The following ATP2B1 variants were observed in gnomAD, a reference collection of about 807,000 sequenced individuals.
The protein encoded by ATP2B1 is plasma membrane calcium-transporting ATPase 1.
ATP2B1 carries 14 observed loss-of-function variants against 124.2 expected under a neutral mutation model. The observed-to-expected ratio is 0.11, with a 90% CI of 0.07 to 0.18. The LOEUF is 0.18. Ranked by LOEUF, ATP2B1 falls within the 10% of genes least tolerant of loss-of-function variation. The pLI is 1.00. For missense variants in ATP2B1, 763 were observed against 1,466.1 expected (o/e 0.52, Z 7.83); for synonymous variants, 449 against 492.4 (o/e 0.91, Z 1.17).
intron 20 of ATP2B1, 34 bp from the exon 21 acceptor site, chr12:89,591,329 T>C (rs576521274): frequency 1.3e-6 from 2 of 1,554,354 alleles, no homozygotes; most frequent in East Asian, 2.3e-5. Flanking sequence ...AATATGTCAG[T>C]ACACTATTAA....
At chr12:89,678,318 C>T (rs894963250) in intron 1 of ATP2B1, among the ~76,000 whole-genome samples, 2 of 151,990 alleles carry the variant, frequency 1.3e-5, no homozygotes, top group Admixed American at 6.6e-5. Flanking sequence ...ATTTGGCCTC[C>T]GTTTCATGTT....
rs1879711772 is a variant in ATP2B1, at chr12:89,620,039, G to T, written c.1789C>A (p.Arg597=). 1.9e-6 allele frequency: 3 copies of T among 1,613,948 alleles called. No individual in the cohort carries two copies. Among genetic ancestry groups the T allele is most frequent in the Non-Finnish European group, 2.5e-6 (3 of 1,179,954 alleles). ...TVLKNSDGSY[R]IFSKGASEII... ...TCAGATGCACCCTTGCTGAATATTC[G>T]ATAACTTCCATCTGAATTTTTCAGG... is the stretch of plus-strand genomic sequence containing the variant. The change falls in exon 11 of 21, where the codon CGA becomes AGA. Residue 597 remains arginine (R), a synonymous_variant. Coordinates refer to ENST00000428670, the MANE Select transcript of ATP2B1 (RefSeq NM_001366521.1).
At chr12:89,643,294 TATAG>T (rs1481279422) in intron 2 of ATP2B1, among the ~76,000 whole-genome samples, 4 of 151,874 alleles carry the variant, frequency 2.6e-5, no homozygotes, top group Non-Finnish European at 4.4e-5. Flanking sequence ...GTTATATAGA[TATAG>T]ATACAGATTT....
In ATP2B1 at chr12:89,601,492, T is replaced by TAA. The variant is rs1447855220; in HGVS notation, c.3061-61_3061-60dup. 38 of 1,046,986 alleles carry TAA rather than the reference T, an allele frequency of 3.6e-5. No individual in the cohort carries two copies. The Admixed American group carries it at 6.0e-4, about 17-fold the overall frequency. 64.9% of individuals were successfully genotyped at this position (1,046,986 alleles called of 1,614,324 possible). A position where few individuals can be genotyped will look rare whatever the true frequency, so the allele number is the denominator to read the frequency against. On this transcript the variant is annotated intron_variant, in intron 18 of 20. Coordinates refer to ENST00000428670, the MANE Select transcript of ATP2B1 (RefSeq NM_001366521.1). ...TCTTAAATTTTAAAATTCATATACT[T>TAA]AAAAAAATATCAAATTTATGTCCTC...
intron 15 of ATP2B1, among the ~76,000 whole-genome samples, chr12:89,606,938 A>G (rs758097633): frequency 7.2e-5 from 11 of 152,144 alleles, no homozygotes; most frequent in Non-Finnish European, 1.5e-4. Flanking sequence ...TCATACCCAT[A>G]TTATACAAAT....
intron 14 of ATP2B1, 50 bp from the exon 15 acceptor site, chr12:89,610,093 G>C: frequency 6.7e-7 from 1 of 1,486,714 alleles, no homozygotes; most frequent in African/African-American, 1.4e-5. Context: ...TCTTTAATAA[G>C]ATGATTCTGA....
At chr12:89,640,613 T>C (rs1388513115) in intron 3 of ATP2B1, among the ~76,000 whole-genome samples, 5 of 114,446 alleles carry the variant, frequency 4.4e-5, no homozygotes, top group African/African-American at 6.0e-5. Flanking sequence ...TAATTATTGA[T>C]AGAGTTTGGA....
rs1228159512 is a variant in ATP2B1 at position 89,656,093 on chromosome 12, A to T, written c.-207T>A. Reference sequence around the variant, plus strand: ...CATGACTAGTTTCTCCATATCAATCATGAGATATACACATCTGTAAGAAGA... The same window carrying T: ...CATGACTAGTTTCTCCATATCAATCTTGAGATATACACATCTGTAAGAAGA... On this transcript the variant is annotated 5_prime_UTR_variant, in exon 2 of 21. An upstream start codon of the reference 5' UTR is lost. Transcript: ENST00000428670. The T allele has an allele frequency of 1.9e-6, 1 of 521,776 alleles. No individual in the cohort carries two copies. The highest frequency in any genetic ancestry group is 3.4e-6 in the Non-Finnish European group (1 of 297,760). The allele number at this position is 521,776 out of a possible 1,614,324, so 32.3% of individuals were successfully genotyped here. A position where few individuals can be genotyped will look rare whatever the true frequency, so the allele number is the denominator to read the frequency against.
chr12:89,605,478 T>C (rs1356024871), intron 15 of ATP2B1, among the ~76,000 whole-genome samples: 1 of 152,184 alleles, frequency 6.6e-6, no homozygotes, highest in Non-Finnish European at 1.5e-5. Context: ...GGTGTTCTCT[T>C]GCCCTTCTCC....
chr12:89,660,267 C>A (rs912703986), intron 1 of ATP2B1, among the ~76,000 whole-genome samples: 1 of 152,102 alleles, frequency 6.6e-6, no homozygotes, highest in African/African-American at 2.4e-5. Context: ...CTATAAGCAA[C>A]TCAAAGCTAG....
chr12:89,696,991 T>G (rs1365420530), intron 1 of ATP2B1, among the ~76,000 whole-genome samples: 1 of 147,586 alleles, frequency 6.8e-6, no homozygotes, highest in Non-Finnish European at 1.5e-5. Context: ...ATTAGTTTTG[T>G]TTTTTTTTTC....
chr12:89,593,832 A>G lies in ATP2B1; in HGVS notation c.3352-2537T>C, dbSNP rs554786303. On this transcript the variant is annotated intron_variant, in intron 20 of 20. Transcript: ENST00000428670. ...TTTTTTTCTAACCACTTCATAAATAATAAAACTGAGCAACAGAGAGGATGG... is the reference window on the plus strand; with the variant it reads ...TTTTTTTCTAACCACTTCATAAATAGTAAAACTGAGCAACAGAGAGGATGG... 6.6e-4 allele frequency: 101 copies of G among 152,166 alleles called. 1 individual carries two copies. The highest frequency in any genetic ancestry group is 2.4e-3 in the African/African-American group (99 of 41,538). 9.4% of individuals were successfully genotyped at this position (152,166 alleles called of 1,614,324 possible). A position where few individuals can be genotyped will look rare whatever the true frequency, so the allele number is the denominator to read the frequency against.
chr12:89,624,543 A>G (rs538162451), intron 8 of ATP2B1, 146 bp from the exon 9 acceptor site: 13 of 728,374 alleles, frequency 1.8e-5, no homozygotes, highest in African/African-American at 1.6e-4. Context: ...CTTGCACCTT[A>G]TAACTTGACA....
chr12:89,635,838 C>A (rs1882605017), intron 3 of ATP2B1, among the ~76,000 whole-genome samples: 1 of 152,072 alleles, frequency 6.6e-6, no homozygotes, highest in African/African-American at 2.4e-5. Flanking sequence ...ACTTGTTATT[C>A]CAACCATTTG....
chr12:89,600,228 T>C (rs766587591), intron 19 of ATP2B1, among the ~76,000 whole-genome samples: 8 of 152,172 alleles, frequency 5.3e-5, no homozygotes, highest in South Asian at 2.1e-4. Flanking sequence ...GATGTAAAGA[T>C]TGGGCTACAT....
intron 1 of ATP2B1, among the ~76,000 whole-genome samples, chr12:89,677,971 T>TACACACACACACAC (rs869199593): frequency 4.4e-4 from 23 of 52,316 alleles, no homozygotes; most frequent in South Asian, 7.5e-4. Flanking sequence ...TATATATATA[T>TACACACACACACAC]ACACACACAC....
At chr12:89,685,993 A>G (rs1409667135) in intron 1 of ATP2B1, among the ~76,000 whole-genome samples, 2 of 152,104 alleles carry the variant, frequency 1.3e-5, no homozygotes, top group East Asian at 3.9e-4. Context: ...ACTATGAGAA[A>G]ATAAATTTCT....
intron 2 of ATP2B1, among the ~76,000 whole-genome samples, chr12:89,643,130 A>G (rs1883869248): frequency 6.6e-6 from 1 of 151,126 alleles, no homozygotes; most frequent in Non-Finnish European, 1.5e-5. Context: ...ATACACGTAT[A>G]TATGTATATA....
chr12:89,634,631 A>G (rs926937281), intron 5 of ATP2B1, 147 bp downstream of exon 5: 4 of 856,894 alleles, frequency 4.7e-6, no homozygotes, highest in Non-Finnish European at 6.5e-6. Context: ...CTTACCAAAA[A>G]AAGTCTGCAA....
Sources: allele counts gnomAD v4.1 joint callset (sites outside exome capture counted in the v4.1 genomes callset), GRCh38; gene constraint gnomAD v4.1.1; transcripts MANE v1.5; gene names NCBI Gene and HGNC (gene_info 2026-07-23, HGNC 2026-07-21).